Variants in CPT1C observed in about 807,000 individuals in gnomAD.
CPT1C encodes the protein palmitoyl thioesterase CPT1C.
In CPT1C, 61 loss-of-function variants were observed where a neutral mutation model predicts 97.3. That is an observed-to-expected ratio of 0.63 (90% CI 0.51 to 0.78). The LOEUF (loss-of-function observed/expected upper bound fraction) is 0.78. CPT1C is among the 30% of genes least tolerant of loss of function. The probability of loss-of-function intolerance (pLI) is 0.00; values close to 1 mark genes in which losing one functional copy is unlikely to be tolerated. For synonymous variants in CPT1C, 469 were observed against 447.2 expected (o/e 1.05, Z -0.61); for missense variants, 975 against 1,065.5 (o/e 0.92, Z 1.18).
At chr19:49,707,678 C>T (rs1226275888) in intron 13 of CPT1C, 55 bp downstream of exon 13, 14 of 1,213,120 alleles carry the variant, frequency 1.2e-5, no homozygotes, top group African/African-American at 6.1e-5. Context: ...CTCCAAAGAC[C>T]GTCCTCTCCA....
chr19:49,706,092 C>G lies in CPT1C; in HGVS notation c.1148C>G (p.Thr383Arg), dbSNP rs763203574. The G allele has an allele frequency of 1.9e-6, 3 of 1,613,188 alleles. No individual in the cohort carries two copies. The highest frequency in any genetic ancestry group is 2.5e-6 in the Non-Finnish European group (3 of 1,179,458). ...CPHEEHLAAL[T>R]AAPRGTWAQV... Reference sequence around the variant, plus strand: ...CACGAGGAACATCTGGCAGCTCTGACAGCTGCTCCCAGGTAAGGGTCAGGG... The same window carrying G: ...CACGAGGAACATCTGGCAGCTCTGAGAGCTGCTCCCAGGTAAGGGTCAGGG... The change falls in exon 11 of 20, where the codon ACA (threonine) becomes AGA (arginine). Residue 383 changes from threonine to arginine, a missense_variant. Around this residue, in one of 3 missense-constraint regions of CPT1C, gnomAD observed 596 missense variants for 603.1 expected, o/e 0.99. Coordinates refer to ENST00000598293, the MANE Select transcript of CPT1C (RefSeq NM_001199753.2). The surrounding 1 kb of genome is among the most constrained non-coding windows in gnomAD (Gnocchi z 4.8).
At chr19:49,701,890 T>A (rs1340432629) in intron 7 of CPT1C, among the ~76,000 whole-genome samples, 10 of 109,972 alleles carry the variant, frequency 9.1e-5, no homozygotes, top group Middle Eastern at 4.3e-3. Flanking sequence ...ATATATATAT[T>A]TATTTATAAA....
chr19:49,704,813 T>C (rs2083408391), intron 8 of CPT1C, 26 bp downstream of exon 8: 1 of 1,606,750 alleles, frequency 6.2e-7, no homozygotes, highest in Non-Finnish European at 8.5e-7. Context: ...GTGAGGTTCA[T>C]AGGCCCCAGG....
intron 13 of CPT1C, 38 bp downstream of exon 13, chr19:49,707,661 GC>G: frequency 1.4e-6 from 2 of 1,401,350 alleles, no homozygotes; most frequent in Non-Finnish European, 1.0e-6. Flanking sequence ...GGGGACCCCT[GC>G]CCCATCTCCA....
At chr19:49,712,627 G>A in intron 17 of CPT1C, 109 bp from the exon 18 acceptor site, 1 of 775,358 alleles carries the variant, frequency 1.3e-6, no homozygotes, top group Non-Finnish European at 2.2e-6. Context: ...GGAGAAGGAG[G>A]CCCGGATTTA....
intron 2 of CPT1C, 132 bp from the exon 3 acceptor site, chr19:49,692,107 C>T (rs2082384635): frequency 1.2e-6 from 1 of 867,456 alleles, no homozygotes; most frequent in Non-Finnish European, 1.7e-6. Context: ...GGCCTGGACT[C>T]CTGGATCTGA....
Position 49,692,395 on chromosome 19 carries a change from T to C in CPT1C, c.141+2T>C. On this transcript the variant is annotated splice_donor_variant, in intron 3 of 19. Transcript: ENST00000598293. LOFTEE classifies it high-confidence loss of function. Reference sequence around the variant, plus strand: ...AAAAGGCATCTCTCACGTTTCTGGGTGAGGAGCGGTGCTGGTCGGTTTCCT... The same window carrying C: ...AAAAGGCATCTCTCACGTTTCTGGGCGAGGAGCGGTGCTGGTCGGTTTCCT... The C allele has an allele frequency of 6.2e-7, 1 of 1,614,076 alleles. No homozygotes were observed. The highest frequency in any genetic ancestry group is 8.5e-7 in the Non-Finnish European group (1 of 1,179,988).
chr19:49,692,438 C>T lies in CPT1C; in HGVS notation c.141+45C>T, dbSNP rs778003660. The T allele has an allele frequency of 1.9e-6, 3 of 1,606,748 alleles. No homozygotes were observed. The African/African-American group carries it at 4.0e-5, about 21-fold the overall frequency. On this transcript the variant is annotated intron_variant, in intron 3 of 19. Coordinates refer to ENST00000598293, the MANE Select transcript of CPT1C (RefSeq NM_001199753.2). The stretch of plus-strand genomic sequence containing the variant: ...GGTTTCCTTCCGGGGATCCAGGTTT[C>T]TGCTTCCGGGATGTCTGAGGCTCAC...
rs2083402556 is a variant in CPT1C, at chr19:49,704,707, C to G, written c.694-3C>G. 6.2e-7 allele frequency: 1 copy of G among 1,613,636 alleles called. No homozygotes were observed. The highest frequency in any genetic ancestry group is 1.3e-5 in the African/African-American group (1 of 74,904). ...ACTGTGTGTCTCCCCACCCCGCTCC[C>G]AGGTCAGTGACTGGTGGGAGGAATT... On this transcript the variant is annotated splice_region_variant and splice_polypyrimidine_tract_variant and intron_variant, in intron 7 of 19. Transcript: ENST00000598293.
intron 3 of CPT1C, among the ~76,000 whole-genome samples, chr19:49,696,777 T>C (rs1427199337): frequency 2.0e-5 from 3 of 151,968 alleles, no homozygotes; most frequent in Non-Finnish European, 4.4e-5. Context: ...GGATTACAGG[T>C]GCCTGCCACC....
intron 3 of CPT1C, among the ~76,000 whole-genome samples, chr19:49,695,505 G>A (rs1298396305): frequency 1.3e-5 from 2 of 150,370 alleles, no homozygotes; most frequent in Admixed American, 6.6e-5. Context: ...GGATGATCTC[G>A]AACTCCTGAT....
chr19:49,694,945 C>T (rs1357337426), intron 3 of CPT1C, among the ~76,000 whole-genome samples: 3 of 152,022 alleles, frequency 2.0e-5, no homozygotes, highest in African/African-American at 7.2e-5. Flanking sequence ...TCAAGACCAT[C>T]CTAGCTAACA....
rs373986888 is a variant in CPT1C, at chr19:49,712,834, C to T, written c.2118C>T (p.Gly706=). 10 of 1,595,214 alleles carry T rather than the reference C, an allele frequency of 6.3e-6. No homozygotes were observed. Among genetic ancestry groups the T allele is most frequent in the South Asian group, 1.1e-5 (1 of 90,132 alleles). The part of the protein sequence containing the change: ...VHNYPDYVSS[G]GGFGPADDHG... ...ATTACCCGGACTATGTTTCCTCAGGCGGTGGATTCGGGCCTGTGAGTGGAG... is the reference window on the plus strand; with the variant it reads ...ATTACCCGGACTATGTTTCCTCAGGTGGTGGATTCGGGCCTGTGAGTGGAG... Residue 706 remains glycine, a synonymous_variant, in exon 18 of 20, where the codon GGC becomes GGT. Coordinates refer to ENST00000598293, the MANE Select transcript of CPT1C (RefSeq NM_001199753.2).
chr19:49,698,650 G>A (rs1256482375), intron 4 of CPT1C, among the ~76,000 whole-genome samples: 1 of 149,996 alleles, frequency 6.7e-6, no homozygotes, highest in Non-Finnish European at 1.5e-5. Context: ...GTGACAGAGC[G>A]AGACTCTGTC....
intron 2 of CPT1C, 127 bp downstream of exon 2, chr19:49,692,016 G>C (rs2082376738): frequency 1.9e-6 from 1 of 516,586 alleles, no homozygotes; most frequent in Non-Finnish European, 3.4e-6. Context: ...GAGGGAGGAG[G>C]GGCTGGGGGC....
At chr19:49,710,578 A>G in intron 15 of CPT1C, 94 bp downstream of exon 15, 3 of 1,573,274 alleles carry the variant, frequency 1.9e-6, no homozygotes, top group Non-Finnish European at 2.6e-6. Flanking sequence ...GGTCGCTGCC[A>G]TTGTGGGTCG....
rs976424085 is a variant in CPT1C at position 49,706,912 on chromosome 19, A to G, written c.1343+499A>G. On this transcript the variant is annotated intron_variant, in intron 12 of 19. Coordinates refer to ENST00000598293, the MANE Select transcript of CPT1C (RefSeq NM_001199753.2). The surrounding 1 kb of genome is among the most constrained non-coding windows in gnomAD (Gnocchi z 4.8). ...AGGCATCACTGAATTCCTAGGCCCC[A>G]GGGGGGTCCCGCTGACCTCCCAGCA... is the stretch of plus-strand genomic sequence containing the variant. Among the ~76,000 whole-genome samples the G allele has an allele frequency of 6.6e-6, 1 of 152,144 alleles. No individual in the cohort carries two copies. Among genetic ancestry groups the G allele is most frequent in the Non-Finnish European group, 1.5e-5 (1 of 68,020 alleles).
chr19:49,708,329 TA>T (rs994058479), intron 13 of CPT1C, among the ~76,000 whole-genome samples: 2 of 146,696 alleles, frequency 1.4e-5, no homozygotes, highest in Admixed American at 6.8e-5. Flanking sequence ...CAAAAAACGT[TA>T]AAAAAAAACA....
chr19:49,704,736 G>C lies in CPT1C; in HGVS notation c.720G>C (p.Val240=), dbSNP rs1237319708. Residue 240 remains valine (V), a synonymous_variant, in exon 8 of 20, where the codon GTG becomes GTC. Transcript: ENST00000598293. Reference sequence around the variant, plus strand: ...TCAGTGACTGGTGGGAGGAATTTGTGTACCTGCGCTCCCGAAATCCGCTGA... The same window carrying C: ...TCAGTGACTGGTGGGAGGAATTTGTCTACCTGCGCTCCCGAAATCCGCTGA... The part of the protein sequence containing the change: ...NYVSDWWEEF[V]YLRSRNPLMV... 1 of 1,613,960 alleles carries C rather than the reference G, an allele frequency of 6.2e-7. No individual in the cohort carries two copies. Among genetic ancestry groups the C allele is most frequent in the East Asian group, 2.2e-5 (1 of 44,876 alleles).
Sources: allele counts gnomAD v4.1 joint callset (sites outside exome capture counted in the v4.1 genomes callset), GRCh38; gene constraint gnomAD v4.1.1; regional missense constraint gnomAD v4.1.1; non-coding constraint Gnocchi (gnomAD v3.1); transcripts MANE v1.5; gene names NCBI Gene and HGNC (gene_info 2026-07-23, HGNC 2026-07-21).